LUZP1: variants seen among roughly 807,000 people sequenced by gnomAD.
The protein encoded by LUZP1 is filamin mechanobinding actin cross-linking protein.
In LUZP1, 25 loss-of-function variants were observed where a neutral mutation model predicts 71.3. That is an observed-to-expected ratio of 0.35 (90% CI 0.26 to 0.49). The LOEUF (loss-of-function observed/expected upper bound fraction) is 0.49. LUZP1 is among the 20% of genes least tolerant of loss of function. The pLI, the probability that LUZP1 is intolerant of heterozygous loss-of-function variation, is 0.99. For missense variants in LUZP1, 1,142 were observed against 1,300.8 expected (o/e 0.88, Z 1.88); for synonymous variants, 481 against 506.4 (o/e 0.95, Z 0.67).
intron 2 of LUZP1, among the ~76,000 whole-genome samples, chr1:23,134,368 G>C (rs1186379959): frequency 1.3e-5 from 2 of 151,872 alleles, no homozygotes; most frequent in African/African-American, 4.8e-5. Context: ...TGCAGACCCA[G>C]CTACTCAGGA....
At chr1:23,127,546 C>T (rs916613559) in intron 2 of LUZP1, among the ~76,000 whole-genome samples, 4 of 152,242 alleles carry the variant, frequency 2.6e-5, no homozygotes, top group South Asian at 2.1e-4. Flanking sequence ...TGTTTTGAGA[C>T]GGAGTCTCGC....
chr1:23,120,820 A>T (rs1033867752), intron 2 of LUZP1, among the ~76,000 whole-genome samples: 1 of 152,224 alleles, frequency 6.6e-6, no homozygotes, highest in African/African-American at 2.4e-5. Flanking sequence ...AGGCAAGCTG[A>T]TATCAACTAA....
At chr1:23,091,245 C>G (rs146756895) in exon 4 of LUZP1, 1 of 1,613,758 alleles carries the variant, frequency 6.2e-7, no homozygotes, top group Admixed American at 1.7e-5. Flanking sequence ...TACCCGATTC[C>G]GACGGGTAAG....
At chr1:23,176,062 C>CTTTTT (rs57669214) in intron 1 of LUZP1, among the ~76,000 whole-genome samples, 1 of 129,852 alleles carries the variant, frequency 7.7e-6, no homozygotes, top group African/African-American at 3.0e-5. Context: ...ACTTCCTTGA[C>CTTTTT]TTTTTTTTTT....
intron 2 of LUZP1, among the ~76,000 whole-genome samples, chr1:23,128,964 G>T (rs1250628617): frequency 1.3e-5 from 2 of 152,214 alleles, no homozygotes; most frequent in South Asian, 2.1e-4. Context: ...CCTATATATT[G>T]ATTAGTCTTT....
At chr1:23,120,609 C>T (rs752802306) in intron 2 of LUZP1, among the ~76,000 whole-genome samples, 2 of 152,074 alleles carry the variant, frequency 1.3e-5, no homozygotes, top group African/African-American at 4.8e-5. Flanking sequence ...CCTCTTCTCT[C>T]GACCTCCCAA....
intron 1 of LUZP1, among the ~76,000 whole-genome samples, chr1:23,171,918 T>G (rs1644554906): frequency 6.6e-6 from 1 of 152,196 alleles, no homozygotes; most frequent in Non-Finnish European, 1.5e-5. Context: ...AACCACTTAT[T>G]GATTTATTCA....
chr1:23,175,472 G>A (rs1644577058), intron 1 of LUZP1, among the ~76,000 whole-genome samples: 1 of 152,148 alleles, frequency 6.6e-6, no homozygotes, highest in South Asian at 2.1e-4. Flanking sequence ...CCTAGTGTTT[G>A]CCTCCATTAG....
At position 23,159,040 on chromosome 1, in the gene LUZP1, A is replaced by G. The variant is rs140048561; in HGVS notation, c.-226+9726T>C. ...TCATTTTGACTACAGTTTACCAGAG[A>G]CTTCAAAATTTGATTACTGGCCAGG... On this transcript the variant is annotated intron_variant, in intron 2 of 4. Coordinates refer to ENST00000302291, the Ensembl canonical transcript of LUZP1. Among the ~76,000 whole-genome samples, 892 of 150,614 alleles carry G rather than the reference A, an allele frequency of 5.9e-3. 9 individuals carry two copies. The highest frequency in any genetic ancestry group is 0.02 in the African/African-American group (812 of 40,932).
chr1:23,145,398 C>A (rs1395665340), intron 2 of LUZP1, among the ~76,000 whole-genome samples: 3 of 151,548 alleles, frequency 2.0e-5, no homozygotes, highest in Non-Finnish European at 4.4e-5. Context: ...TGTTTTGTGT[C>A]ATTTAAAGCC....
At chr1:23,113,862 G>A (rs1644055778) in intron 2 of LUZP1, among the ~76,000 whole-genome samples, 2 of 146,978 alleles carry the variant, frequency 1.4e-5, no homozygotes. Context: ...CCTGGCGACA[G>A]AACGAGACTC....
chr1:23,151,897 G>A (rs890782472), intron 2 of LUZP1, among the ~76,000 whole-genome samples: 2 of 151,702 alleles, frequency 1.3e-5, no homozygotes, highest in Non-Finnish European at 2.9e-5. Flanking sequence ...AGCTGCTCGG[G>A]AGGCTGAGGC....
At chr1:23,104,432 C>T (rs896616009) in intron 3 of LUZP1, among the ~76,000 whole-genome samples, 2 of 152,146 alleles carry the variant, frequency 1.3e-5, no homozygotes, top group African/African-American at 4.8e-5. Context: ...GATCCACAAG[C>T]CTCGGCCTCC....
intron 2 of LUZP1, among the ~76,000 whole-genome samples, chr1:23,158,772 G>A (rs1644440977): frequency 6.7e-6 from 1 of 149,432 alleles, no homozygotes; most frequent in East Asian, 2.0e-4. Context: ...TTCAAGACTA[G>A]CCTGGCCAAC....
chr1:23,119,136 A>G (rs1644109494), intron 2 of LUZP1, among the ~76,000 whole-genome samples: 2 of 152,030 alleles, frequency 1.3e-5, no homozygotes, highest in Admixed American at 1.3e-4. Flanking sequence ...TTTTATACTT[A>G]CTATCCCTAC....
In LUZP1 at chr1:23,089,070, C is replaced by T; in HGVS notation, c.3073-17G>A. On this transcript the variant is annotated splice_polypyrimidine_tract_variant and intron_variant, in intron 4 of 4. Coordinates refer to ENST00000302291, the Ensembl canonical transcript of LUZP1. ...TTCTTCCTCCTGTGCCAATAAATAA[C>T]AAAAGTGAGCTGTGGAGGTCAGTAA... The T allele has an allele frequency of 1.9e-6, 3 of 1,612,538 alleles. No homozygotes were observed. Among genetic ancestry groups the T allele is most frequent in the Non-Finnish European group, 2.5e-6 (3 of 1,178,932 alleles).
At chr1:23,103,894 G>GGGGGGGAA (rs1643956229) in intron 3 of LUZP1, among the ~76,000 whole-genome samples, 1 of 10,744 alleles carries the variant, frequency 9.3e-5, no homozygotes, top group Non-Finnish European at 2.8e-4. Flanking sequence ...GAGGGAGAGA[G>GGGGGGGAA]GGAGGGAGGG....
At chr1:23,112,578 C>T (rs1042585929) in intron 2 of LUZP1, among the ~76,000 whole-genome samples, 8 of 152,096 alleles carry the variant, frequency 5.3e-5, no homozygotes, top group Non-Finnish European at 8.8e-5. Context: ...TCAGTATGAC[C>T]CTCCCACAGA....
At chr1:23,104,380 C>T (rs1356525471) in intron 3 of LUZP1, among the ~76,000 whole-genome samples, 1 of 151,968 alleles carries the variant, frequency 6.6e-6, no homozygotes, top group Non-Finnish European at 1.5e-5. Context: ...AGACAGGTTT[C>T]ACTATGTTGC....
Sources: allele counts gnomAD v4.1 joint callset (sites outside exome capture counted in the v4.1 genomes callset), GRCh38; gene constraint gnomAD v4.1.1; transcripts MANE v1.5; gene names NCBI Gene and HGNC (gene_info 2026-07-23, HGNC 2026-07-21).